Variants in LRP4 observed in about 807,000 individuals in gnomAD.
LRP4 encodes the protein low-density lipoprotein receptor-related protein 4.
A neutral mutation model predicts 220.3 loss-of-function variants in LRP4; 95 were observed. The observed-to-expected ratio is 0.43, with a 90% CI of 0.37 to 0.51. The LOEUF is 0.51. Among genes scored for constraint, LRP4 ranks in the 20% least tolerant of loss-of-function variants. LRP4 has a pLI of 0.00. For synonymous variants in LRP4, 903 were observed against 954.6 expected (o/e 0.95, Z 1.00); for missense variants, 1,925 against 2,567.0 (o/e 0.75, Z 5.40).
intron 18 of LRP4, 49 bp from the exon 19 acceptor site, chr11:46,884,025 T>G (rs779138569): frequency 2.3e-5 from 34 of 1,458,136 alleles, no homozygotes; most frequent in Non-Finnish European, 3.0e-5. Flanking sequence ...TCATTCACCC[T>G]CTTACCTTCC....
At chr11:46,862,475 T>C (rs1296090944) in intron 37 of LRP4, 131 bp downstream of exon 37, 1 of 947,728 alleles carries the variant, frequency 1.1e-6, no homozygotes, top group African/African-American at 1.6e-5. Context: ...TCAGTTCTTC[T>C]GTTCACTATA....
chr11:46,862,683 GGTAGGAGGGGTTGCT>G lies in LRP4; in HGVS notation c.5293_5307del (p.Ser1765_Tyr1769del). ...ATCTTCACTTCCTGTGTGGATGTTC[GGTAGGAGGGGTTGCT>G]GTAGGTGAGGTTCCCCATTCCAGGA... is the stretch of plus-strand genomic sequence containing the variant. On this transcript the variant is annotated inframe_deletion, in exon 37 of 38. Coordinates refer to ENST00000378623, the MANE Select transcript of LRP4 (RefSeq NM_002334.4). The G allele has an allele frequency of 6.2e-7, 1 of 1,613,938 alleles. No homozygotes were observed. Among genetic ancestry groups the G allele is most frequent in the Non-Finnish European group, 8.5e-7 (1 of 1,179,926 alleles).
intron 10 of LRP4, 126 bp downstream of exon 10, chr11:46,895,758 C>T: frequency 3.7e-6 from 5 of 1,352,362 alleles, no homozygotes; most frequent in Non-Finnish European, 5.2e-6. Context: ...TCCCCACCTC[C>T]TAGGGTTATT....
intron 30 of LRP4, 21 bp from the exon 31 acceptor site, chr11:46,871,654 G>A (rs765643777): frequency 6.5e-7 from 1 of 1,531,562 alleles, no homozygotes; most frequent in South Asian, 1.2e-5. Context: ...AATGAAAAGA[G>A]TGGCTGCTCC....
At chr11:46,876,338 G>A in intron 25 of LRP4, 128 bp downstream of exon 25, 1 of 1,038,028 alleles carries the variant, frequency 9.6e-7, no homozygotes, top group Non-Finnish European at 1.5e-6. Context: ...CAAGAGAGTG[G>A]AAGAGCCCCA....
chr11:46,883,277 A>C (rs1282596647), intron 19 of LRP4, among the ~76,000 whole-genome samples: 1 of 152,246 alleles, frequency 6.6e-6, no homozygotes, highest in African/African-American at 2.4e-5. Context: ...GGCCATAAGC[A>C]AAATCTCTGC....
chr11:46,888,548 C>CAAAAAAAAAAAAAAAAAAAAAAAA (rs71042635), intron 16 of LRP4, among the ~76,000 whole-genome samples: 3 of 31,314 alleles, frequency 9.6e-5, no homozygotes, highest in African/African-American at 7.3e-5. Flanking sequence ...AAAACTGTCT[C>CAAAAAAAAAAAAAAAAAAAAAAAA]AAAAAAAAAA....
At chr11:46,895,504 C>G (rs1941508591) in intron 10 of LRP4, among the ~76,000 whole-genome samples, 1 of 152,112 alleles carries the variant, frequency 6.6e-6, no homozygotes, top group African/African-American at 2.4e-5. Flanking sequence ...TGGCTTGAAC[C>G]CAGGAGGCGG....
Position 46,875,859 on chromosome 11 carries a change from C to T in LRP4, c.3644G>A (p.Gly1215Glu). Residue 1215 changes from glycine to glutamate, a missense_variant, in exon 26 of 38, where the codon GGA becomes GAA. Gly to Glu is a moderately conservative substitution (Grantham distance 98). Transcript: ENST00000378623. The surrounding 1 kb of genome is among the most constrained non-coding windows in gnomAD (Gnocchi z 4.5). ...LINNNLGWPNGLTVDKASSQL... is the reference protein window; with the variant it reads ...LINNNLGWPNELTVDKASSQL... ...GGAGCTGGCCTTGTCCACAGTCAGT[C>T]CATTGGGCCATCCTAGGTTGTTGTT... is the stretch of plus-strand genomic sequence containing the variant. The T allele has an allele frequency of 6.2e-7, 1 of 1,614,126 alleles. No individual in the cohort carries two copies. Among genetic ancestry groups the T allele is most frequent in the Non-Finnish European group, 8.5e-7 (1 of 1,180,010 alleles).
Position 46,858,476 on chromosome 11 carries a change from A to C in LRP4, c.*507T>G. The C allele has an allele frequency of 5.1e-6, 1 of 196,464 alleles. No homozygotes were observed. Among genetic ancestry groups the C allele is most frequent in the Non-Finnish European group, 1.1e-5 (1 of 93,428 alleles). 12.2% of individuals were successfully genotyped at this position (196,464 alleles called of 1,614,324 possible). On this transcript the variant is annotated 3_prime_UTR_variant, in exon 38 of 38. Transcript: ENST00000378623. ...GGCTGGAGGTTTCCCAGATGCCCAT[A>C]CCTGCTGGGCTGATTCTTCCTTCTT...
intron 1 of LRP4, among the ~76,000 whole-genome samples, chr11:46,915,168 T>A (rs1279899218): frequency 6.6e-6 from 1 of 152,140 alleles, no homozygotes; most frequent in African/African-American, 2.4e-5. Flanking sequence ...GCCCAACAGA[T>A]CAGGGACAAG....
chr11:46,903,923 A>G (rs928570585), intron 1 of LRP4, among the ~76,000 whole-genome samples: 3 of 152,200 alleles, frequency 2.0e-5, no homozygotes, highest in Non-Finnish European at 4.4e-5. Context: ...CCTATTGAGC[A>G]TCGAGCTATC....
intron 7 of LRP4, 107 bp from the exon 8 acceptor site, chr11:46,897,101 C>G: frequency 7.1e-7 from 1 of 1,412,578 alleles, no homozygotes; most frequent in Non-Finnish European, 9.9e-7. Flanking sequence ...CTCTTGACAC[C>G]GGGATCACAG....
At chr11:46,863,402 T>C (rs566118123) in intron 36 of LRP4, among the ~76,000 whole-genome samples, 2 of 152,074 alleles carry the variant, frequency 1.3e-5, no homozygotes, top group South Asian at 4.2e-4. Flanking sequence ...CTGTTTCAAT[T>C]CCACCTCTGT....
intron 18 of LRP4, 49 bp from the exon 19 acceptor site, chr11:46,884,025 T>C: frequency 6.9e-7 from 1 of 1,458,254 alleles, no homozygotes; most frequent in Admixed American, 1.7e-5. Context: ...TCATTCACCC[T>C]CTTACCTTCC....
chr11:46,889,573 T>C lies in LRP4; in HGVS notation c.2093-40A>G, dbSNP rs755809027. The C allele has an allele frequency of 1.9e-6, 3 of 1,610,236 alleles. No homozygotes were observed. In the East Asian group the frequency reaches 6.7e-5, roughly 36 times the overall value. On this transcript the variant is annotated intron_variant, in intron 15 of 37. Coordinates refer to ENST00000378623, the MANE Select transcript of LRP4 (RefSeq NM_002334.4). ...CAGGGCAAGAGGATCAGCGAAGGTC[T>C]GCAAAAGTGACCCCAAGACTAGGGA...
At chr11:46,906,770 G>GTCCCGATT (rs1161666862) in intron 1 of LRP4, among the ~76,000 whole-genome samples, 1 of 152,116 alleles carries the variant, frequency 6.6e-6, no homozygotes, top group Admixed American at 6.6e-5. Flanking sequence ...GATAACAGAA[G>GTCCCGATT]TCCCGATTTC....
intron 7 of LRP4, 139 bp downstream of exon 7, chr11:46,898,419 C>G: frequency 8.5e-7 from 1 of 1,179,718 alleles, no homozygotes; most frequent in Non-Finnish European, 1.2e-6. Flanking sequence ...CTCCTGACCT[C>G]AAGCAATCCA....
intron 23 of LRP4, 75 bp from the exon 24 acceptor site, chr11:46,876,905 G>T: frequency 8.4e-7 from 1 of 1,186,456 alleles, no homozygotes; most frequent in Non-Finnish European, 1.3e-6. Flanking sequence ...TTCATGTCTT[G>T]AAACACCAGA....
Sources: allele counts gnomAD v4.1 joint callset (sites outside exome capture counted in the v4.1 genomes callset), GRCh38; gene constraint gnomAD v4.1.1; non-coding constraint Gnocchi (gnomAD v3.1); transcripts MANE v1.5; gene names NCBI Gene and HGNC (gene_info 2026-07-23, HGNC 2026-07-21).